PLCB1: variants seen among roughly 807,000 people sequenced by gnomAD.
PLCB1 encodes the protein 1-phosphatidylinositol 4,5-bisphosphate phosphodiesterase beta-1.
PLCB1 carries 46 observed loss-of-function variants against 161.8 expected under a neutral mutation model. That is an observed-to-expected ratio of 0.28 (90% confidence interval 0.22 to 0.36). The LOEUF (loss-of-function observed/expected upper bound fraction) is 0.36, where lower values mean the gene tolerates loss of function less well. PLCB1 is among the 10% of genes least tolerant of loss of function. The probability of loss-of-function intolerance (pLI) is 1.00; values close to 1 mark genes in which losing one functional copy is unlikely to be tolerated. For synonymous variants in PLCB1, 517 were observed against 503.7 expected, an observed-to-expected ratio of 1.03 and a Z score of -0.35; for missense variants, 1,016 against 1,472.5, an observed-to-expected ratio of 0.69 and a Z score of 5.07.
chr20:8,245,504 T>A (rs1211690575), intron 2 of PLCB1, among the ~76,000 whole-genome samples: 1 of 151,938 alleles, frequency 6.6e-6, no homozygotes, highest in East Asian at 1.9e-4. Flanking sequence ...AGATATAGCA[T>A]AATTTACTTA....
chr20:8,672,190 C>T (rs900790121), intron 9 of PLCB1, among the ~76,000 whole-genome samples: 6 of 152,100 alleles, frequency 3.9e-5, no homozygotes, highest in Non-Finnish European at 8.8e-5. Context: ...TGGGCACAAA[C>T]CTTGAGCAAG....
intron 31 of PLCB1, among the ~76,000 whole-genome samples, chr20:8,815,232 G>A (rs569433907): frequency 6.6e-6 from 1 of 152,234 alleles, no homozygotes; most frequent in East Asian, 1.9e-4. Flanking sequence ...TTGAAAAATT[G>A]ATGACATAAC....
chr20:8,455,161 T>C (rs1981244760), intron 3 of PLCB1, among the ~76,000 whole-genome samples: 1 of 151,792 alleles, frequency 6.6e-6, no homozygotes. Context: ...GAACACCGTC[T>C]CTACTAAAAA....
intron 15 of PLCB1, 67 bp downstream of exon 15, chr20:8,722,488 T>C: frequency 8.4e-7 from 1 of 1,192,540 alleles, no homozygotes; most frequent in Admixed American, 2.8e-5. Context: ...GTCTGTCTCA[T>C]GGTCACTTTC....
At chr20:8,293,805 CAGT>C (rs1007630147) in intron 2 of PLCB1, among the ~76,000 whole-genome samples, 1 of 152,050 alleles carries the variant, frequency 6.6e-6, no homozygotes, top group Admixed American at 6.6e-5. Flanking sequence ...TAAAACTGGC[CAGT>C]GAAAGGGATA....
At chr20:8,399,246 T>A (rs779055184) in intron 3 of PLCB1, among the ~76,000 whole-genome samples, 1 of 152,128 alleles carries the variant, frequency 6.6e-6, no homozygotes, top group Non-Finnish European at 1.5e-5. Flanking sequence ...TTTTGCCCTA[T>A]CCTGGTATCT....
intron 2 of PLCB1, among the ~76,000 whole-genome samples, chr20:8,259,249 A>T (rs1313286527): frequency 6.6e-6 from 1 of 152,194 alleles, no homozygotes; most frequent in Non-Finnish European, 1.5e-5. Flanking sequence ...AAATCCAATA[A>T]AATGGTAAAA....
At chr20:8,374,634 G>A (rs1277456533) in intron 3 of PLCB1, among the ~76,000 whole-genome samples, 1 of 152,154 alleles carries the variant, frequency 6.6e-6, no homozygotes, top group Non-Finnish European at 1.5e-5. Context: ...CCTGCAAGAG[G>A]AAAACTAGAC....
At chr20:8,758,922 G>A (rs1981877008) in intron 24 of PLCB1, among the ~76,000 whole-genome samples, 1 of 152,134 alleles carries the variant, frequency 6.6e-6, no homozygotes, top group Non-Finnish European at 1.5e-5. Flanking sequence ...ATCAAAACCA[G>A]GAAAGTAACA....
At chr20:8,162,708 C>T (rs368025596) in intron 2 of PLCB1, among the ~76,000 whole-genome samples, 4 of 152,160 alleles carry the variant, frequency 2.6e-5, no homozygotes, top group East Asian at 3.8e-4. Flanking sequence ...TATTGCATCA[C>T]GGCAAACAAT....
At chr20:8,173,782 CA>C (rs201482444) in intron 2 of PLCB1, among the ~76,000 whole-genome samples, 4 of 151,712 alleles carry the variant, frequency 2.6e-5, no homozygotes, top group African/African-American at 9.7e-5. Flanking sequence ...AAAACTTCAG[CA>C]AAAAAATAGA....
At chr20:8,413,811 T>C (rs1979151533) in intron 3 of PLCB1, among the ~76,000 whole-genome samples, 1 of 152,236 alleles carries the variant, frequency 6.6e-6, no homozygotes, top group South Asian at 2.1e-4. Flanking sequence ...GCTAGAATAA[T>C]TGGTCTAGCA....
rs77822610 is a variant in PLCB1 at position 8,579,480 on chromosome 20, T to C, written c.247-48814T>C. ...ACAACTACTTATTGTTCCAAGCCTC[T>C]ACATGTTGGGTTAGTTCGTTACATG... On this transcript the variant is annotated intron_variant, in intron 3 of 31. Transcript: ENST00000338037. 3.5e-4 allele frequency among the ~76,000 whole-genome samples: 54 copies of C among 152,344 alleles called. No homozygotes were observed. The East Asian group carries it at 0.01, about 29-fold the overall frequency.
At chr20:8,681,086 GTATATATATATATATATATA>G (rs202198416) in intron 9 of PLCB1, among the ~76,000 whole-genome samples, 5 of 73,854 alleles carry the variant, frequency 6.8e-5, no homozygotes, top group East Asian at 8.4e-4. Context: ...ATGTGTGTGT[GTATATATATATATATATATA>G]TATATATATA....
At chr20:8,234,341 G>A (rs2123190593) in intron 2 of PLCB1, among the ~76,000 whole-genome samples, 1 of 152,096 alleles carries the variant, frequency 6.6e-6, no homozygotes, top group African/African-American at 2.4e-5. Flanking sequence ...GAGCAGGGTG[G>A]AGTTACAGAA....
At chr20:8,208,412 G>A (rs1188254139) in intron 2 of PLCB1, among the ~76,000 whole-genome samples, 1 of 152,086 alleles carries the variant, frequency 6.6e-6, no homozygotes, top group Non-Finnish European at 1.5e-5. Flanking sequence ...GGGAAGGGAG[G>A]AGGCGGTCAT....
intron 1 of PLCB1, among the ~76,000 whole-genome samples, chr20:8,145,942 C>T (rs2051448528): frequency 6.6e-6 from 1 of 152,142 alleles, no homozygotes; most frequent in Non-Finnish European, 1.5e-5. Context: ...TCTCAGCAGT[C>T]GCATTTCAAG....
At chr20:8,546,328 A>AAG in intron 3 of PLCB1, among the ~76,000 whole-genome samples, 1 of 150,242 alleles carries the variant, frequency 6.7e-6, no homozygotes, top group African/African-American at 2.4e-5. Context: ...AAAAAAAAAA[A>AAG]AAAAAAAAAA....
intron 2 of PLCB1, among the ~76,000 whole-genome samples, chr20:8,267,292 T>C (rs927049147): frequency 1.3e-5 from 2 of 151,992 alleles, no homozygotes; most frequent in Non-Finnish European, 2.9e-5. Flanking sequence ...CCCAACTGAG[T>C]CCTATGGAGA....
Sources: allele counts gnomAD v4.1 joint callset (sites outside exome capture counted in the v4.1 genomes callset), GRCh38; gene constraint gnomAD v4.1.1; transcripts MANE v1.5; gene names NCBI Gene and HGNC (gene_info 2026-07-23, HGNC 2026-07-21).